The following PLEKHM3 variants were observed in gnomAD, a reference collection of about 807,000 sequenced individuals.
PLEKHM3 encodes pleckstrin homology domain-containing family M member 3.
A neutral mutation model predicts 81.8 loss-of-function variants in PLEKHM3; 45 were observed. That is an observed-to-expected ratio of 0.55 (90% CI 0.43 to 0.71). PLEKHM3 has a LOEUF of 0.71. Ranked by LOEUF, PLEKHM3 falls within the 30% of genes least tolerant of loss-of-function variation. The pLI, the probability that PLEKHM3 is intolerant of heterozygous loss-of-function variation, is 0.00. For synonymous variants in PLEKHM3, 352 were observed against 356.4 expected (o/e 0.99, Z 0.14); for missense variants, 788 against 924.3 (o/e 0.85, Z 1.91).
chr2:207,839,768 C>T (rs10202437), intron 7 of PLEKHM3, among the ~76,000 whole-genome samples: 8,715 of 151,980 alleles, frequency 0.057, 821 homozygotes, highest in African/African-American at 0.19. Flanking sequence ...TCTACAAAAA[C>T]AGAAAAAAAT....
At chr2:207,884,129 G>A (rs1006740101) in intron 6 of PLEKHM3, among the ~76,000 whole-genome samples, 7 of 146,222 alleles carry the variant, frequency 4.8e-5, no homozygotes, top group Admixed American at 6.8e-5. Context: ...CGAGACCCCC[G>A]TCCCCACCCC....
intron 6 of PLEKHM3, among the ~76,000 whole-genome samples, chr2:207,901,930 C>G (rs1688443559): frequency 6.6e-6 from 1 of 152,210 alleles, no homozygotes. Context: ...GACACAGGCA[C>G]TTGCCATGGA....
intron 5 of PLEKHM3, among the ~76,000 whole-genome samples, chr2:207,917,821 G>C (rs896623551): frequency 6.6e-6 from 1 of 152,232 alleles, no homozygotes. Context: ...CTGAGCAACA[G>C]TGATACCTTG....
At chr2:207,936,725 A>G (rs1184082383) in intron 4 of PLEKHM3, among the ~76,000 whole-genome samples, 1 of 152,122 alleles carries the variant, frequency 6.6e-6, no homozygotes, top group Non-Finnish European at 1.5e-5. Context: ...AGTTTTGCTT[A>G]TCAATGAAAA....
intron 6 of PLEKHM3, among the ~76,000 whole-genome samples, chr2:207,864,467 C>A (rs1363644450): frequency 6.6e-6 from 1 of 152,144 alleles, no homozygotes; most frequent in Non-Finnish European, 1.5e-5. Context: ...CTCTAAACAA[C>A]CAAACTTAAT....
chr2:207,989,327 A>C (rs1430170179), intron 2 of PLEKHM3, among the ~76,000 whole-genome samples: 1 of 152,190 alleles, frequency 6.6e-6, no homozygotes, highest in African/African-American at 2.4e-5. Context: ...GAAGAAAGAG[A>C]GGGCTTTTGC....
Position 207,843,214 on chromosome 2 carries a change from T to G in PLEKHM3, c.2109-14718A>C, listed in dbSNP as rs2092364191. ...ATCTGCCTGTCTCAGCCTCCCAAAG[T>G]GTTGGCCTCCTTTGGCCTCCCAAAG... On this transcript the variant is annotated intron_variant, in intron 7 of 7. Transcript: ENST00000427836. This position sits in a 1 kb window ranked among gnomAD's most constrained non-coding sequence, Gnocchi z 4.4. Among the ~76,000 whole-genome samples the G allele has an allele frequency of 6.6e-6, 1 of 152,140 alleles. No individual in the cohort carries two copies. Among genetic ancestry groups the G allele is most frequent in the African/African-American group, 2.4e-5 (1 of 41,444 alleles).
intron 4 of PLEKHM3, among the ~76,000 whole-genome samples, chr2:207,934,640 G>GA (rs2105946893): frequency 1.3e-5 from 2 of 152,250 alleles, no homozygotes; most frequent in African/African-American, 4.8e-5. Flanking sequence ...AATCCAAGAG[G>GA]AAAGAGGCCT....
At chr2:207,834,583 G>A (rs1217673430) in intron 7 of PLEKHM3, among the ~76,000 whole-genome samples, 4 of 151,790 alleles carry the variant, frequency 2.6e-5, no homozygotes, top group Admixed American at 1.3e-4. Flanking sequence ...GTGCCACCAC[G>A]CCTGGCTAAT....
intron 7 of PLEKHM3, chr2:207,852,716 A>G (rs10932211): frequency 0.63 from 253,209 of 403,412 alleles, 81,180 homozygotes; most frequent in African/African-American, 0.75. Context: ...AGGCAGGGAA[A>G]GGCTGAAAAA....
At chr2:207,936,273 A>G (rs1293593691) in intron 4 of PLEKHM3, among the ~76,000 whole-genome samples, 1 of 152,146 alleles carries the variant, frequency 6.6e-6, no homozygotes, top group African/African-American at 2.4e-5. Context: ...CGCCCAGTCT[A>G]TTTGTGTATT....
At chr2:207,918,320 A>C (rs1574404669) in intron 5 of PLEKHM3, among the ~76,000 whole-genome samples, 1 of 152,322 alleles carries the variant, frequency 6.6e-6, no homozygotes, top group East Asian at 1.9e-4. Flanking sequence ...CAGGAGATCA[A>C]GACCTTCCTG....
intron 6 of PLEKHM3, among the ~76,000 whole-genome samples, chr2:207,893,027 T>A (rs1361987260): frequency 6.6e-6 from 1 of 152,214 alleles, no homozygotes; most frequent in African/African-American, 2.4e-5. Context: ...GACCACTGCA[T>A]GTCTCACTTT....
intron 6 of PLEKHM3, among the ~76,000 whole-genome samples, chr2:207,890,544 T>C (rs1688030020): frequency 6.6e-6 from 1 of 152,074 alleles, no homozygotes; most frequent in East Asian, 1.9e-4. Context: ...ACGAGAATTG[T>C]TTGAATCCGG....
At chr2:208,016,649 C>CA (rs1234374383) in intron 1 of PLEKHM3, among the ~76,000 whole-genome samples, 1,338 of 66,244 alleles carry the variant, frequency 0.02, 45 homozygotes, top group African/African-American at 0.05. Context: ...GACTTTGTCT[C>CA]AAAAAAAAAA....
chr2:207,969,683 G>C (rs1691044134), intron 3 of PLEKHM3, among the ~76,000 whole-genome samples: 1 of 152,156 alleles, frequency 6.6e-6, no homozygotes, highest in South Asian at 2.1e-4. Flanking sequence ...TTAATTATCT[G>C]CCTAGAATCC....
At chr2:207,898,112 C>T (rs1688284281) in intron 6 of PLEKHM3, among the ~76,000 whole-genome samples, 1 of 152,208 alleles carries the variant, frequency 6.6e-6, no homozygotes, top group Non-Finnish European at 1.5e-5. Context: ...CAAATTCCTT[C>T]TCGTAATTCA....
At chr2:207,896,187 A>G (rs1688217678) in intron 6 of PLEKHM3, among the ~76,000 whole-genome samples, 1 of 152,248 alleles carries the variant, frequency 6.6e-6, no homozygotes, top group Admixed American at 6.5e-5. Flanking sequence ...GGCTGTAAAG[A>G]TTGTTTAATC....
intron 7 of PLEKHM3, among the ~76,000 whole-genome samples, chr2:207,846,959 T>C (rs1404942233): frequency 6.6e-6 from 1 of 152,200 alleles, no homozygotes; most frequent in Non-Finnish European, 1.5e-5. Flanking sequence ...AAATATCAAT[T>C]AGTTTTATAG....
Sources: allele counts gnomAD v4.1 joint callset (sites outside exome capture counted in the v4.1 genomes callset), GRCh38; gene constraint gnomAD v4.1.1; non-coding constraint Gnocchi (gnomAD v3.1); transcripts MANE v1.5; gene names NCBI Gene and HGNC (gene_info 2026-07-23, HGNC 2026-07-21).